PAK1: variants seen among roughly 807,000 people sequenced by gnomAD.
PAK1 encodes the protein p21 (RAC1) activated kinase 1.
A neutral mutation model predicts 67.4 loss-of-function variants in PAK1; 29 were observed. That is an observed-to-expected ratio of 0.43 (90% CI 0.32 to 0.59). PAK1 has a LOEUF of 0.59. Among genes scored for constraint, PAK1 ranks in the 20% least tolerant of loss-of-function variants. PAK1 has a pLI of 0.07. For missense variants in PAK1, 337 were observed against 670.7 expected, an observed-to-expected ratio of 0.50 and a Z score of 5.50; for synonymous variants, 223 against 237.4, an observed-to-expected ratio of 0.94 and a Z score of 0.56.
intron 1 of PAK1, among the ~76,000 whole-genome samples, chr11:77,466,439 TA>T (rs1342290232): frequency 2.0e-5 from 3 of 151,936 alleles, no homozygotes; most frequent in Non-Finnish European, 4.4e-5. Flanking sequence ...CTGTCTCTAC[TA>T]AAAATACAAA....
At chr11:77,358,126 G>T (rs1468528412) in intron 6 of PAK1, among the ~76,000 whole-genome samples, 5 of 152,068 alleles carry the variant, frequency 3.3e-5, no homozygotes, top group Non-Finnish European at 5.9e-5. Context: ...ACACCTCCCT[G>T]AATGCTGTAT....
At chr11:77,422,273 C>T (rs1487924100) in intron 1 of PAK1, among the ~76,000 whole-genome samples, 1 of 152,072 alleles carries the variant, frequency 6.6e-6, no homozygotes. Flanking sequence ...TAAAAAGTCA[C>T]TAAAGGCAGG....
At chr11:77,526,091 A>G in the PAK1 span, among the ~76,000 whole-genome samples, 15 of 152,170 alleles carry the variant, frequency 9.9e-5, no homozygotes. Context: ...ATCCACCACT[A>G]CATCCAGCCT....
chr11:77,326,854 C>T (rs558203231), intron 14 of PAK1, among the ~76,000 whole-genome samples: 1 of 151,768 alleles, frequency 6.6e-6, no homozygotes, highest in African/African-American at 2.4e-5. Context: ...GGAGGAAATT[C>T]GAATCAATGG....
intron 1 of PAK1, among the ~76,000 whole-genome samples, chr11:77,473,113 G>A (rs1395101100): frequency 6.6e-6 from 1 of 152,230 alleles, no homozygotes; most frequent in East Asian, 1.9e-4. Flanking sequence ...GTCCAAGCCT[G>A]GAAGGGGTCA....
intron 1 of PAK1, among the ~76,000 whole-genome samples, chr11:77,414,048 G>A (rs1954816075): frequency 6.6e-6 from 1 of 152,168 alleles, no homozygotes; most frequent in South Asian, 2.1e-4. Flanking sequence ...GCACTATGAG[G>A]CAGTGTTTCC....
At chr11:77,379,482 A>T (rs1279351718) in intron 3 of PAK1, 94 bp from the exon 4 acceptor site, 7 of 1,138,032 alleles carry the variant, frequency 6.2e-6, no homozygotes, top group Non-Finnish European at 8.8e-6. Context: ...CTAGCAGCAA[A>T]AGATGCATTT....
At chr11:77,341,704 G>GA (rs1478381520) in intron 10 of PAK1, among the ~76,000 whole-genome samples, 3 of 152,126 alleles carry the variant, frequency 2.0e-5, no homozygotes, top group Non-Finnish European at 4.4e-5. Context: ...AGCTGGATTG[G>GA]AAAAAAACAT....
chr11:77,404,999 T>C (rs1412004573), intron 1 of PAK1, among the ~76,000 whole-genome samples: 4 of 152,180 alleles, frequency 2.6e-5, no homozygotes, highest in African/African-American at 9.7e-5. Context: ...GGCGCATGCA[T>C]GGGGCATGGT....
At chr11:77,349,215 C>T (rs1232797337) in intron 9 of PAK1, 24 bp downstream of exon 9, 1 of 1,550,510 alleles carries the variant, frequency 6.4e-7, no homozygotes, top group South Asian at 1.2e-5. Flanking sequence ...ACTAAAGGAG[C>T]AACAGTGGGT....
the PAK1 span, among the ~76,000 whole-genome samples, chr11:77,502,339 T>C: frequency 6.6e-6 from 1 of 152,262 alleles, no homozygotes; most frequent in Non-Finnish European, 1.5e-5. Context: ...TAAATGTCTA[T>C]TATTTTCAAC....
At chr11:77,490,541 C>G in the PAK1 span, among the ~76,000 whole-genome samples, 1 of 151,314 alleles carries the variant, frequency 6.6e-6, no homozygotes, top group East Asian at 2.0e-4. Flanking sequence ...GCCGCCCCGT[C>G]TGGGAGGTGA....
rs1212015451 is a variant in PAK1, at chr11:77,458,628, G to C, written c.-22+14924C>G. 3.9e-5 allele frequency among the ~76,000 whole-genome samples: 6 copies of C among 152,234 alleles called. No homozygotes were observed. In the East Asian group the frequency reaches 9.6e-4, roughly 24 times the overall value. Reference sequence around the variant, plus strand: ...TGTTAATAATCCTACCATTAGAAAAGCACTTACTGACAAAGAGGGGTGAAT... The same window carrying C: ...TGTTAATAATCCTACCATTAGAAAACCACTTACTGACAAAGAGGGGTGAAT... On this transcript the variant is annotated intron_variant, in intron 1 of 14. Coordinates refer to ENST00000356341, the MANE Select transcript of PAK1 (RefSeq NM_002576.5).
At position 77,471,983 on chromosome 11, in the gene PAK1, C is replaced by G. The variant is rs567288838; in HGVS notation, c.-22+1569G>C. Among the ~76,000 whole-genome samples the G allele has an allele frequency of 2.6e-5, 4 of 152,308 alleles. No individual in the cohort carries two copies. The East Asian group carries it at 5.8e-4, about 22-fold the overall frequency. ...CAGCAGCCTCAATTATTGCACACTA[C>G]TACCTGTACAACTGGAGTCCCCCAG... is the stretch of plus-strand genomic sequence containing the variant. On this transcript the variant is annotated intron_variant, in intron 1 of 14. Transcript: ENST00000356341.
At chr11:77,423,438 C>T (rs1955387814) in intron 1 of PAK1, among the ~76,000 whole-genome samples, 1 of 150,960 alleles carries the variant, frequency 6.6e-6, no homozygotes, top group Non-Finnish European at 1.5e-5. Context: ...CACACACACA[C>T]ACACCCCTTA....
intron 6 of PAK1, among the ~76,000 whole-genome samples, chr11:77,357,473 G>A (rs1946192838): frequency 6.6e-6 from 1 of 152,120 alleles, no homozygotes; most frequent in Admixed American, 6.5e-5. Flanking sequence ...TCCATGCCTT[G>A]TCCTCTTTTG....
At chr11:77,397,909 C>A (rs1279991386) in intron 1 of PAK1, among the ~76,000 whole-genome samples, 2 of 152,178 alleles carry the variant, frequency 1.3e-5, no homozygotes, top group South Asian at 2.1e-4. Flanking sequence ...AGGGATAGAA[C>A]CCTCTTTAAA....
chr11:77,526,678 G>T, the PAK1 span, among the ~76,000 whole-genome samples: 1 of 152,208 alleles, frequency 6.6e-6, no homozygotes, highest in Non-Finnish European at 1.5e-5. Flanking sequence ...AGCACTTTGG[G>T]AGGCTGAGGT....
intron 1 of PAK1, among the ~76,000 whole-genome samples, chr11:77,414,967 G>A (rs1954866086): frequency 6.6e-6 from 1 of 151,838 alleles, no homozygotes; most frequent in Non-Finnish European, 1.5e-5. Context: ...CCACAGACTG[G>A]GAGAAAACAC....
Sources: gnomAD v4.1 joint callset for allele counts (sites outside exome capture counted in the v4.1 genomes callset) on GRCh38, gnomAD v4.1.1 for gene constraint, MANE v1.5 for transcripts, NCBI Gene and HGNC (gene_info 2026-07-23, HGNC 2026-07-21) for gene names.